Variants in CHRNB3 observed in about 807,000 individuals in gnomAD.
CHRNB3 encodes cholinergic receptor nicotinic beta 3 subunit, also known as neuronal acetylcholine receptor subunit beta-3.
In CHRNB3, 37 loss-of-function variants were observed where a neutral mutation model predicts 40.6. The observed-to-expected ratio is 0.91, with a 90% CI of 0.70 to 1.20. The LOEUF (loss-of-function observed/expected upper bound fraction) is 1.20. Among genes scored for constraint, CHRNB3 ranks in the 50% most tolerant of loss-of-function variants. CHRNB3 has a pLI of 0.00. For synonymous variants in CHRNB3, 207 were observed against 207.1 expected (o/e 1.00, Z 0.00); for missense variants, 505 against 551.2 (o/e 0.92, Z 0.84).
chr8:42,724,983 C>CA (rs1563613891), intron 3 of CHRNB3, among the ~76,000 whole-genome samples: 1 of 150,316 alleles, frequency 6.7e-6, no homozygotes, highest in South Asian at 2.1e-4. Context: ...GACTCCGTCT[C>CA]AAAAAACAAA....
chr8:42,702,268 T>C (rs1423530197), intron 1 of CHRNB3, among the ~76,000 whole-genome samples: 11 of 152,076 alleles, frequency 7.2e-5, no homozygotes, highest in Admixed American at 7.2e-4. Context: ...TGTCTGGCCC[T>C]AAAGGAAATA....
intron 1 of CHRNB3, among the ~76,000 whole-genome samples, chr8:42,706,661 T>A (rs1208349999): frequency 4.6e-5 from 7 of 152,146 alleles, no homozygotes; most frequent in Non-Finnish European, 8.8e-5. Flanking sequence ...CAGGAAGGTT[T>A]CCTGGCTCTT....
chr8:42,737,308 A>C lies in CHRNB3; in HGVS notation c.*690A>C, dbSNP rs1364372577. The C allele has an allele frequency of 6.6e-6, 1 of 152,278 alleles. No individual in the cohort carries two copies. Among genetic ancestry groups the C allele is most frequent in the Non-Finnish European group, 1.5e-5 (1 of 68,082 alleles). 9.4% of individuals were successfully genotyped at this position (152,278 alleles called of 1,614,324 possible). ...GTGAGCTGTGACTTCCTTTAAGGTC[A>C]TGCATACCAAAATAACTCACAATAG... On this transcript the variant is annotated 3_prime_UTR_variant, in exon 6 of 6. Transcript: ENST00000289957.
chr8:42,709,058 T>C (rs1236651952), intron 2 of CHRNB3, among the ~76,000 whole-genome samples, 190 bp downstream of exon 2: 1 of 152,128 alleles, frequency 6.6e-6, no homozygotes, highest in Non-Finnish European at 1.5e-5. Flanking sequence ...AGGGTAAATT[T>C]TCATTGCAGC....
At chr8:42,718,718 T>G (rs1228913918) in intron 3 of CHRNB3, among the ~76,000 whole-genome samples, 1 of 151,694 alleles carries the variant, frequency 6.6e-6, no homozygotes, top group Non-Finnish European at 1.5e-5. Flanking sequence ...TCGGGGACTT[T>G]TTTTATAGTT....
intron 2 of CHRNB3, among the ~76,000 whole-genome samples, chr8:42,709,881 C>T (rs1005686284): frequency 6.6e-6 from 1 of 152,174 alleles, no homozygotes; most frequent in Non-Finnish European, 1.5e-5. Flanking sequence ...ATCCACCCGC[C>T]TCGGCCTCCC....
chr8:42,703,435 A>AAAAATATATATATATATATATATAGAT, intron 1 of CHRNB3, among the ~76,000 whole-genome samples: 1 of 47,400 alleles, frequency 2.1e-5, no homozygotes, highest in Non-Finnish European at 4.6e-5. Context: ...AAAAAAAAAA[A>AAAAATATATATATATATATATATAGAT]ATATTTATAT....
intron 1 of CHRNB3, among the ~76,000 whole-genome samples, chr8:42,707,366 T>C (rs1264817903): frequency 6.6e-6 from 1 of 152,294 alleles, no homozygotes; most frequent in Non-Finnish European, 1.5e-5. Context: ...CATGTGGATA[T>C]CTCAGTGGGA....
intron 3 of CHRNB3, among the ~76,000 whole-genome samples, chr8:42,712,001 C>CT (rs560888079): frequency 1.3e-4 from 19 of 150,618 alleles, no homozygotes; most frequent in South Asian, 4.2e-4. Context: ...TTTTCTTTTT[C>CT]TTTTTTTTTG....
chr8:42,714,552 T>TAA (rs546154469), intron 3 of CHRNB3, among the ~76,000 whole-genome samples: 1 of 146,872 alleles, frequency 6.8e-6, no homozygotes, highest in African/African-American at 2.5e-5. Context: ...GCTGAATGAT[T>TAA]AAAAAAAAAA....
intron 1 of CHRNB3, among the ~76,000 whole-genome samples, chr8:42,708,474 T>TACACACAC (rs4955): frequency 0.52 from 76,743 of 148,714 alleles, 22,804 homozygotes; most frequent in Non-Finnish European, 0.66. Flanking sequence ...TCAAAAAAAA[T>TACACACAC]ACACACACAC....
chr8:42,732,132 G>A lies in CHRNB3; in HGVS notation c.825G>A (p.Leu275=). ...TATCCACATCGGTCTTGGTTTCTCT[G>A]ACAGTTTTCCTTTTAGTGATTGAAG... ...LSLSTSVLVS[L]TVFLLVIEEI... is the part of the protein sequence containing the mutation. The change falls in exon 5 of 6, where the codon CTG becomes CTA. Residue 275 remains leucine (L), a synonymous_variant. Coordinates refer to ENST00000289957, the MANE Select transcript of CHRNB3 (RefSeq NM_000749.5). 3.1e-6 allele frequency: 5 copies of A among 1,612,738 alleles called. No individual in the cohort carries two copies. Among genetic ancestry groups the A allele is most frequent in the Non-Finnish European group, 4.2e-6 (5 of 1,179,684 alleles).
At position 42,737,225 on chromosome 8, in the gene CHRNB3, T is replaced by G. The variant is rs1352262672; in HGVS notation, c.*607T>G. On this transcript the variant is annotated 3_prime_UTR_variant, in exon 6 of 6. Coordinates refer to ENST00000289957, the MANE Select transcript of CHRNB3 (RefSeq NM_000749.5). ...TTGCCTGGCCTACCGAAGCAGGTGTTATTCATGGTTTATTCCCAGCATGAT... is the reference window on the plus strand; with the variant it reads ...TTGCCTGGCCTACCGAAGCAGGTGTGATTCATGGTTTATTCCCAGCATGAT... The G allele has an allele frequency of 6.6e-6, 1 of 152,300 alleles. No individual in the cohort carries two copies. 9.4% of individuals were successfully genotyped at this position (152,300 alleles called of 1,614,324 possible).
At chr8:42,735,144 CGG>C (rs1453578864) in intron 5 of CHRNB3, among the ~76,000 whole-genome samples, 3 of 151,988 alleles carry the variant, frequency 2.0e-5, no homozygotes, top group African/African-American at 7.2e-5. Context: ...GGTGTGAACC[CGG>C]GAGACGGAGC....
intron 1 of CHRNB3, among the ~76,000 whole-genome samples, chr8:42,702,759 C>A (rs1000002402): frequency 6.6e-6 from 1 of 151,758 alleles, no homozygotes; most frequent in African/African-American, 2.4e-5. Context: ...GAGACTCTGT[C>A]TCAAAAAAAA....
chr8:42,731,145 G>A (rs1449961280), intron 4 of CHRNB3, among the ~76,000 whole-genome samples: 2 of 151,958 alleles, frequency 1.3e-5, no homozygotes, highest in African/African-American at 4.8e-5. Context: ...AACTATTTTG[G>A]TCAGATTAAC....
At chr8:42,735,390 T>A (rs766473080) in intron 5 of CHRNB3, among the ~76,000 whole-genome samples, 1 of 151,292 alleles carries the variant, frequency 6.6e-6, no homozygotes, top group African/African-American at 2.4e-5. Context: ...ATACAAAAAT[T>A]AGCTGGGCAT....
chr8:42,729,483 C>T (rs964764806), intron 3 of CHRNB3, among the ~76,000 whole-genome samples: 1 of 152,144 alleles, frequency 6.6e-6, no homozygotes, highest in Admixed American at 6.6e-5. Flanking sequence ...AAGGCCCATA[C>T]ATCTTAAACT....
intron 3 of CHRNB3, chr8:42,725,910 A>G: frequency 2.3e-6 from 2 of 858,316 alleles, no homozygotes; most frequent in Non-Finnish European, 4.0e-6. Flanking sequence ...AAAGTCTCGC[A>G]ATGGTTCTCT....
Sources: gnomAD v4.1 joint callset for allele counts (sites outside exome capture counted in the v4.1 genomes callset) on GRCh38, gnomAD v4.1.1 for gene constraint, MANE v1.5 for transcripts, NCBI Gene and HGNC (gene_info 2026-07-23, HGNC 2026-07-21) for gene names.